LLGL2: variants seen among roughly 807,000 people sequenced by gnomAD.
The protein encoded by LLGL2 is LLGL scribble cell polarity complex component 2, also known as LLGL2, scribble cell polarity complex component.
A neutral mutation model predicts 123.2 loss-of-function variants in LLGL2; 81 were observed. The ratio of observed to expected loss-of-function variants is 0.66; its 90% CI spans 0.55 to 0.79. LLGL2 has a LOEUF of 0.79. Among genes scored for constraint, LLGL2 ranks in the 30% least tolerant of loss-of-function variants. The pLI is 0.00. For synonymous variants in LLGL2, 577 were observed against 594.1 expected, an observed-to-expected ratio of 0.97 and a Z score of 0.42; for missense variants, 1,273 against 1,414.6, an observed-to-expected ratio of 0.90 and a Z score of 1.61.
At chr17:75,536,341 A>G (rs1282607304) in intron 1 of LLGL2, among the ~76,000 whole-genome samples, 1 of 152,106 alleles carries the variant, frequency 6.6e-6, no homozygotes, top group African/African-American at 2.4e-5. Context: ...AGTGCACAGC[A>G]CCTGAGAGTT....
intron 2 of LLGL2, among the ~76,000 whole-genome samples, chr17:75,547,592 A>G (rs7503721): frequency 0.32 from 48,728 of 152,024 alleles, 8,779 homozygotes; most frequent in South Asian, 0.57. Flanking sequence ...TGGGAGGCTG[A>G]GGTGGGTGGA....
At chr17:75,572,967 G>A in intron 19 of LLGL2, 47 bp from the exon 20 acceptor site, 1 of 1,560,502 alleles carries the variant, frequency 6.4e-7, no homozygotes, top group Non-Finnish European at 8.7e-7. Flanking sequence ...CACAGGGCAG[G>A]AGAACTGGTT....
rs34001927 is a variant in LLGL2, at chr17:75,568,881, A to G, written c.1322+42A>G. The G allele has an allele frequency of 0.25, 387,087 of 1,562,284 alleles. 49,298 individuals are homozygous for G. The highest frequency in any genetic ancestry group is 0.26 in the Non-Finnish European group (304,532 of 1,151,050). Reference sequence around the variant, plus strand: ...CTACCCCACCTCTTCCCAGTAGGATATGTGGGGTGGGAGCAGAGCCCTGAG... The same window carrying G: ...CTACCCCACCTCTTCCCAGTAGGATGTGTGGGGTGGGAGCAGAGCCCTGAG... On this transcript the variant is annotated intron_variant, in intron 12 of 25. Transcript: ENST00000392550.
intron 23 of LLGL2, 72 bp from the exon 24 acceptor site, chr17:75,574,381 A>T: frequency 6.5e-7 from 1 of 1,539,612 alleles, no homozygotes; most frequent in South Asian, 1.2e-5. Flanking sequence ...ACCCACGGAG[A>T]AAGGGGGTGG....
chr17:75,563,848 C>G (rs370885909), intron 9 of LLGL2, 42 bp downstream of exon 9: 1 of 1,601,606 alleles, frequency 6.2e-7, no homozygotes, highest in Non-Finnish European at 8.6e-7. Flanking sequence ...CAGAGCCTTC[C>G]TGGAGGGCTA....
chr17:75,544,475 A>G lies in LLGL2; in HGVS notation c.75+974A>G, dbSNP rs1228395240. 2.6e-5 allele frequency among the ~76,000 whole-genome samples: 4 copies of G among 152,184 alleles called. No homozygotes were observed. Among genetic ancestry groups the G allele is most frequent in the Non-Finnish European group, 4.4e-5 (3 of 68,028 alleles). ...AAGTCTCTTTGGTTGTATTTTTGTT[A>G]TTGATTTGAGAACTGTAGAAGTCAG... On this transcript the variant is annotated intron_variant, in intron 2 of 25. Transcript: ENST00000392550. The surrounding 1 kb of genome is among the most constrained non-coding windows in gnomAD (Gnocchi z 4.2).
chr17:75,531,664 TCC>T (rs1315950128), intron 1 of LLGL2, among the ~76,000 whole-genome samples: 1 of 151,800 alleles, frequency 6.6e-6, no homozygotes, highest in Non-Finnish European at 1.5e-5. Flanking sequence ...GAGACGGGCG[TCC>T]CCCAGCGGGG....
intron 10 of LLGL2, among the ~76,000 whole-genome samples, chr17:75,565,393 C>T (rs1187922791): frequency 4.6e-5 from 7 of 152,202 alleles, no homozygotes; most frequent in Non-Finnish European, 7.3e-5. Flanking sequence ...GTTCAGGACA[C>T]CTGGTCTGTG....
At position 75,559,446 on chromosome 17, in the gene LLGL2, C is replaced by T; in HGVS notation, c.530+36C>T. ...AGCCCAGCTGCTGTTAACTCCATCC[C>T]CTCAAGTTAGGCATGGCTTCTCCCC... is the stretch of plus-strand genomic sequence containing the variant. On this transcript the variant is annotated intron_variant, in intron 6 of 25. Coordinates refer to ENST00000392550, the MANE Select transcript of LLGL2 (RefSeq NM_001031803.2). This position sits in a 1 kb window ranked among gnomAD's most constrained non-coding sequence, Gnocchi z 4.6. The T allele has an allele frequency of 6.4e-7, 1 of 1,563,760 alleles. No individual in the cohort carries two copies. The highest frequency in any genetic ancestry group is 1.9e-5 in the Admixed American group (1 of 53,202).
At chr17:75,573,760 C>T (rs951089754) in intron 21 of LLGL2, 129 bp downstream of exon 21, 17 of 1,240,960 alleles carry the variant, frequency 1.4e-5, no homozygotes, top group Non-Finnish European at 1.6e-5. Flanking sequence ...TCCCAGGCTC[C>T]GGCTCTCCTT....
chr17:75,570,046 C>CGA lies in LLGL2; in HGVS notation c.1665_1666insGA (p.Tyr556AspfsTer169). The CGA allele has an allele frequency of 6.2e-7, 1 of 1,612,754 alleles. No individual in the cohort carries two copies. Among genetic ancestry groups the CGA allele is most frequent in the Non-Finnish European group, 8.5e-7 (1 of 1,179,856 alleles). ...CCGACCTGCTGCAGGACCAAGAGGG[C>CGA]TACCGCTGGAAGGGGCACGAGCGCC... On this transcript the variant is annotated frameshift_variant, in exon 15 of 26. Transcript: ENST00000392550. LOFTEE classifies it high-confidence loss of function.
Position 75,572,066 on chromosome 17 carries a change from T to C in LLGL2, c.2460+2T>C. On this transcript the variant is annotated splice_donor_variant, in intron 19 of 25. Transcript: ENST00000392550. LOFTEE classifies it high-confidence loss of function. ...GTCGTATCAGAGGAGCAGTTCAAGG[T>C]GCCACACGGGCAGCGGCGGGTCTCC... 6.2e-7 allele frequency: 1 copy of C among 1,608,872 alleles called. No homozygotes were observed.
intron 7 of LLGL2, 70 bp from the exon 8 acceptor site, chr17:75,563,261 G>A (rs936060): frequency 0.28 from 442,420 of 1,601,890 alleles, 63,237 homozygotes; most frequent in African/African-American, 0.38. Context: ...CAGAGGCATG[G>A]GGTGCAGGCG....
Position 75,567,950 on chromosome 17 carries a change from GAAA to G in LLGL2, c.1037-513_1037-511del, listed in dbSNP as rs141562656. The G allele has an allele frequency of 4.7e-3, 2,284 of 483,284 alleles. 16 individuals are homozygous for G. Among genetic ancestry groups the G allele is most frequent in the African/African-American group, 0.023 (1,075 of 45,868 alleles). The allele number at this position is 483,284 out of a possible 1,614,324, so 29.9% of individuals were successfully genotyped here. A position where few individuals can be genotyped will look rare whatever the true frequency, so the allele number is the denominator to read the frequency against. Reference sequence around the variant, plus strand: ...AGTGTGAAACCCTGTCTCGAGAAAAGAAAAAAAAAAAAAAAGACAAATGGTTTA... The same window carrying G: ...AGTGTGAAACCCTGTCTCGAGAAAAGAAAAAAAAAAAAGACAAATGGTTTA... On this transcript the variant is annotated intron_variant, in intron 10 of 25. Transcript: ENST00000392550.
chr17:75,555,682 C>G (rs1467688492), intron 2 of LLGL2, among the ~76,000 whole-genome samples: 2 of 152,150 alleles, frequency 1.3e-5, no homozygotes, highest in Non-Finnish European at 1.5e-5. Context: ...GTTCCAAACT[C>G]CCCCTACTTT....
chr17:75,528,426 T>C (rs887000462), intron 1 of LLGL2, among the ~76,000 whole-genome samples: 1 of 152,124 alleles, frequency 6.6e-6, no homozygotes, highest in South Asian at 2.1e-4. Context: ...TAAATAACTT[T>C]TTAATATACC....
Position 75,574,932 on chromosome 17 carries a change from CG to C in LLGL2, c.*59del. On this transcript the variant is annotated 3_prime_UTR_variant, in exon 26 of 26. Transcript: ENST00000392550. ...GCACACACTACTACTGATGGCCTTT[CG>C]GGGGTCCCTGCCCCAACCGGAGAGG... 1 of 1,613,434 alleles carries C rather than the reference CG, an allele frequency of 6.2e-7. No individual in the cohort carries two copies. Among genetic ancestry groups the C allele is most frequent in the Non-Finnish European group, 8.5e-7 (1 of 1,179,708 alleles).
At position 75,571,744 on chromosome 17, in the gene LLGL2, G is replaced by T. The variant is rs764292060; in HGVS notation, c.2254G>T (p.Ala752Ser). 4 of 1,608,772 alleles carry T rather than the reference G, an allele frequency of 2.5e-6. No homozygotes were observed. The highest frequency in any genetic ancestry group is 2.2e-5 in the South Asian group (2 of 91,080). The change falls in exon 18 of 26, where the codon GCC becomes TCC. Residue 752 changes from alanine (A) to serine (S), a missense_variant. Ala to Ser is a moderately conservative substitution (Grantham distance 99). Transcript: ENST00000392550. Reference sequence around the variant, plus strand: ...TGCCTTCTCCCTGCGTGTGCCTCCCGCCGAGCGGAGAATGGATGAGCCTGT... The same window carrying T: ...TGCCTTCTCCCTGCGTGTGCCTCCCTCCGAGCGGAGAATGGATGAGCCTGT... ...IYAFSLRVPP[A>S]ERRMDEPVRA...
chr17:75,539,935 G>T (rs2054146338), intron 1 of LLGL2, among the ~76,000 whole-genome samples: 1 of 152,156 alleles, frequency 6.6e-6, no homozygotes, highest in African/African-American at 2.4e-5. Context: ...TCTGATTTGT[G>T]TCCTGTGAAG....
Sources: allele counts gnomAD v4.1 joint callset (sites outside exome capture counted in the v4.1 genomes callset), GRCh38; gene constraint gnomAD v4.1.1; non-coding constraint Gnocchi (gnomAD v3.1); transcripts MANE v1.5; gene names NCBI Gene and HGNC (gene_info 2026-07-23, HGNC 2026-07-21).